SH3PXD2A: variants seen among roughly 807,000 people sequenced by gnomAD.
The protein encoded by SH3PXD2A is SH3 and PX domains 2A, also known as SH3 and PX domain-containing protein 2A.
In SH3PXD2A, 32 loss-of-function variants were observed where a neutral mutation model predicts 115.2. The ratio of observed to expected loss-of-function variants is 0.28; its 90% CI spans 0.21 to 0.37. The LOEUF (loss-of-function observed/expected upper bound fraction) is 0.37. Ranked by LOEUF, SH3PXD2A falls within the 10% of genes least tolerant of loss-of-function variation. The pLI, the probability that SH3PXD2A is intolerant of heterozygous loss-of-function variation, is 1.00. For missense variants in SH3PXD2A, 1,328 were observed against 1,498.7 expected, an observed-to-expected ratio of 0.89 and a Z score of 1.88; for synonymous variants, 610 against 629.1, an observed-to-expected ratio of 0.97 and a Z score of 0.45.
intron 8 of SH3PXD2A, among the ~76,000 whole-genome samples, chr10:103,648,666 A>G (rs777013852): frequency 1.1e-4 from 16 of 152,268 alleles, no homozygotes; most frequent in Admixed American, 2.0e-4. Context: ...AACTCCTATC[A>G]TGAAATTCCA....
intron 3 of SH3PXD2A, among the ~76,000 whole-genome samples, chr10:103,743,400 G>A (rs1487373138): frequency 6.6e-6 from 1 of 151,932 alleles, no homozygotes; most frequent in Non-Finnish European, 1.5e-5. Flanking sequence ...CTCTTTTTTT[G>A]TTTGTTTTTG....
chr10:103,602,263 G>A lies in SH3PXD2A; in HGVS notation c.2955C>T (p.Ser985=). The A allele has an allele frequency of 6.2e-7, 1 of 1,612,374 alleles. No individual in the cohort carries two copies. ...VAVRPQSVFV[S]PPPKDNNLSC... The stretch of plus-strand genomic sequence containing the variant: ...ACAGGTTGTTGTCCTTGGGTGGCGG[G>A]GACACAAACACCGACTGGGGCCTGA... The change falls in exon 15 of 15, where the codon TCC becomes TCT. Residue 985 remains serine, a synonymous_variant. Transcript: ENST00000369774.
intron 8 of SH3PXD2A, among the ~76,000 whole-genome samples, chr10:103,656,999 G>A (rs1370493489): frequency 1.3e-5 from 2 of 151,688 alleles, no homozygotes; most frequent in African/African-American, 2.4e-5. Flanking sequence ...GAAAGTCTGA[G>A]TGAATTTCTG....
intron 2 of SH3PXD2A, among the ~76,000 whole-genome samples, chr10:103,783,418 G>A (rs1004876823): frequency 1.3e-5 from 2 of 149,710 alleles, no homozygotes; most frequent in Non-Finnish European, 3.0e-5. Context: ...CAGAGTCGAT[G>A]CAGAGGAAGA....
intron 7 of SH3PXD2A, chr10:103,661,577 G>T (rs1211276915): frequency 2.3e-6 from 2 of 867,206 alleles, no homozygotes; most frequent in Admixed American, 6.2e-5. Context: ...GAGGGCTGAG[G>T]CCAGAGGCAA....
At chr10:103,828,164 T>G (rs980778830) in intron 1 of SH3PXD2A, among the ~76,000 whole-genome samples, 1 of 152,190 alleles carries the variant, frequency 6.6e-6, no homozygotes, top group Non-Finnish European at 1.5e-5. Context: ...GATGGGTAGG[T>G]AGCCAGACTC....
At chr10:103,836,877 C>T (rs1316159966) in intron 1 of SH3PXD2A, among the ~76,000 whole-genome samples, 2 of 152,202 alleles carry the variant, frequency 1.3e-5, no homozygotes, top group African/African-American at 2.4e-5. Flanking sequence ...ACAAGCAGAG[C>T]GTCTTGCTCA....
intron 11 of SH3PXD2A, among the ~76,000 whole-genome samples, chr10:103,614,709 T>C (rs1411210889): frequency 6.6e-6 from 1 of 152,106 alleles, no homozygotes; most frequent in Non-Finnish European, 1.5e-5. Context: ...CCTGGACACA[T>C]CTGGCTCTTT....
At chr10:103,777,731 C>G (rs140083339) in intron 2 of SH3PXD2A, among the ~76,000 whole-genome samples, 1,535 of 152,266 alleles carry the variant, frequency 0.01, 26 homozygotes, top group South Asian at 0.072. Flanking sequence ...TGACCCATGG[C>G]CTTTGTGCAG....
At chr10:103,677,598 G>A (rs2037555047) in intron 6 of SH3PXD2A, among the ~76,000 whole-genome samples, 1 of 152,102 alleles carries the variant, frequency 6.6e-6, no homozygotes, top group South Asian at 2.1e-4. Flanking sequence ...TCATGCCCTG[G>A]GCAGGATCTT....
At chr10:103,699,856 A>T (rs2037870952) in intron 5 of SH3PXD2A, among the ~76,000 whole-genome samples, 1 of 152,146 alleles carries the variant, frequency 6.6e-6, no homozygotes, top group African/African-American at 2.4e-5. Flanking sequence ...CCCCATTGTG[A>T]CCATGTGGCT....
At chr10:103,706,808 C>A (rs116836746) in intron 5 of SH3PXD2A, among the ~76,000 whole-genome samples, 8 of 152,292 alleles carry the variant, frequency 5.3e-5, no homozygotes, top group South Asian at 2.1e-4. Flanking sequence ...TCCTTTCCCC[C>A]CCGAGTAGAG....
chr10:103,845,217 G>A (rs1423481382), intron 1 of SH3PXD2A, among the ~76,000 whole-genome samples: 1 of 151,014 alleles, frequency 6.6e-6, no homozygotes, highest in Admixed American at 6.6e-5. Context: ...TGTAATACCA[G>A]CTACTCGGGA....
chr10:103,775,820 T>G (rs1409445413), intron 2 of SH3PXD2A, among the ~76,000 whole-genome samples: 1 of 152,154 alleles, frequency 6.6e-6, no homozygotes, highest in Non-Finnish European at 1.5e-5. Context: ...ACCAGCAGTG[T>G]GACGAGATGG....
chr10:103,624,219 G>A (rs1392270845), intron 9 of SH3PXD2A, among the ~76,000 whole-genome samples: 2 of 152,264 alleles, frequency 1.3e-5, no homozygotes, highest in African/African-American at 2.4e-5. Context: ...GGAGGGAACA[G>A]GGTCTGGGTG....
intron 5 of SH3PXD2A, among the ~76,000 whole-genome samples, chr10:103,696,121 G>T (rs1592305958): frequency 6.6e-6 from 1 of 152,196 alleles, no homozygotes; most frequent in Admixed American, 6.5e-5. Flanking sequence ...GGTTAATGGG[G>T]TGGAGGCTGA....
intron 2 of SH3PXD2A, among the ~76,000 whole-genome samples, chr10:103,799,851 G>A (rs1353982322): frequency 2.0e-5 from 3 of 152,232 alleles, no homozygotes; most frequent in African/African-American, 7.2e-5. Context: ...GAAGGCTGGA[G>A]AGTAGGGAGT....
intron 1 of SH3PXD2A, among the ~76,000 whole-genome samples, chr10:103,805,731 A>G (rs1010221133): frequency 2.0e-4 from 31 of 151,978 alleles, no homozygotes; most frequent in Non-Finnish European, 4.1e-4. Flanking sequence ...TCTCTATTTT[A>G]AAAATAAAAG....
At chr10:103,815,012 A>G (rs1372881592) in intron 1 of SH3PXD2A, among the ~76,000 whole-genome samples, 1 of 152,162 alleles carries the variant, frequency 6.6e-6, no homozygotes, top group East Asian at 1.9e-4. Context: ...CTTCAGTTTG[A>G]CTCAGTACAA....
Sources: gnomAD v4.1 joint callset for allele counts (sites outside exome capture counted in the v4.1 genomes callset) on GRCh38, gnomAD v4.1.1 for gene constraint, MANE v1.5 for transcripts, NCBI Gene and HGNC (gene_info 2026-07-23, HGNC 2026-07-21) for gene names.